BCAS4: variants seen among roughly 807,000 people sequenced by gnomAD.
BCAS4 encodes the protein breast carcinoma amplified sequence 4.
In BCAS4, 9 loss-of-function variants were observed where a neutral mutation model predicts 15.7. The observed-to-expected ratio is 0.57, with a 90% CI of 0.34 to 1.00. The LOEUF (loss-of-function observed/expected upper bound fraction) is 1.00. BCAS4 is among the 50% of genes least tolerant of loss of function. BCAS4 has a pLI of 0.02. For synonymous variants in BCAS4, 101 were observed against 99.5 expected, an observed-to-expected ratio of 1.02 and a Z score of -0.09; for missense variants, 225 against 239.1, an observed-to-expected ratio of 0.94 and a Z score of 0.39.
intron 2 of BCAS4, among the ~76,000 whole-genome samples, chr20:50,827,248 G>A (rs1401735402): frequency 6.6e-6 from 1 of 152,178 alleles, no homozygotes; most frequent in African/African-American, 2.4e-5. Context: ...AGACATGCTG[G>A]TCAGGTGTTT....
intron 2 of BCAS4, among the ~76,000 whole-genome samples, chr20:50,829,817 C>T (rs1304477517): frequency 1.3e-5 from 2 of 151,876 alleles, no homozygotes; most frequent in Non-Finnish European, 2.9e-5. Context: ...ACAGTGCCTG[C>T]GTGTCGGAAG....
chr20:50,882,321 TAGAA>T, the BCAS4 span: 1 of 152,162 alleles, frequency 6.6e-6, no homozygotes, highest in African/African-American at 2.4e-5. Flanking sequence ...AGCAAAAGAT[TAGAA>T]AGAACCCAAG....
intron 4 of BCAS4, among the ~76,000 whole-genome samples, chr20:50,866,007 C>T (rs6091226): frequency 0.17 from 26,555 of 152,014 alleles, 2,345 homozygotes; most frequent in Non-Finnish European, 0.19. Flanking sequence ...GGGACAGGAC[C>T]TGGGGGCCGG....
chr20:50,827,753 G>T (rs1425711178), intron 2 of BCAS4, among the ~76,000 whole-genome samples: 2 of 152,168 alleles, frequency 1.3e-5, no homozygotes, highest in Non-Finnish European at 2.9e-5. Flanking sequence ...TAGAGACAGG[G>T]TCTTGCACTG....
intron 4 of BCAS4, among the ~76,000 whole-genome samples, chr20:50,866,198 C>A (rs1412896834): frequency 6.6e-6 from 1 of 152,208 alleles, no homozygotes; most frequent in African/African-American, 2.4e-5. Context: ...CTGGAGGAGA[C>A]AGCAGGGGAG....
chr20:50,818,455 G>T (rs1600857720), intron 2 of BCAS4, among the ~76,000 whole-genome samples, 173 bp downstream of exon 2: 1 of 148,948 alleles, frequency 6.7e-6, no homozygotes, highest in African/African-American at 2.5e-5. Flanking sequence ...TCTCTCTCTC[G>T]CTCTCTCTCT....
rs199837051 is a variant in BCAS4, at chr20:50,830,346, T to C, written c.230T>C (p.Met77Thr). Residue 77 changes from methionine (M) to threonine (T), a missense_variant, in exon 3 of 5, where the codon ATG becomes ACG. Transcript: ENST00000371608. ...GTCCTTAAGGCCAAACTGACAGAAA[T>C]GCGTGGCATCTATGCCAAAGTGGAC... ...IPVLKAKLTE[M>T]RGIYAKVDRL... 1.7e-5 allele frequency: 28 copies of C among 1,613,696 alleles called. No individual in the cohort carries two copies. Among genetic ancestry groups the C allele is most frequent in the Non-Finnish European group, 2.0e-5 (24 of 1,179,900 alleles).
intron 1 of BCAS4, among the ~76,000 whole-genome samples, chr20:50,798,114 G>T (rs1569014179): frequency 6.6e-6 from 1 of 151,344 alleles, no homozygotes; most frequent in Non-Finnish European, 1.5e-5. Flanking sequence ...TGGCCAACAT[G>T]GTGGAACCCT....
At chr20:50,853,033 C>T (rs1270915049) in intron 4 of BCAS4, among the ~76,000 whole-genome samples, 1 of 152,150 alleles carries the variant, frequency 6.6e-6, no homozygotes, top group East Asian at 1.9e-4. Context: ...CCTCTACACC[C>T]CCCACATTCT....
At chr20:50,848,647 G>A (rs2088575929) in intron 4 of BCAS4, among the ~76,000 whole-genome samples, 1 of 152,236 alleles carries the variant, frequency 6.6e-6, no homozygotes, top group Admixed American at 6.5e-5. Flanking sequence ...ACCAGGGCTC[G>A]TTCTCTGCTC....
intron 2 of BCAS4, among the ~76,000 whole-genome samples, chr20:50,827,186 G>A (rs1398266041): frequency 6.6e-6 from 1 of 152,170 alleles, no homozygotes; most frequent in Non-Finnish European, 1.5e-5. Context: ...AGTCTATTCC[G>A]GTCTGTGACA....
chr20:50,850,696 G>C (rs894721687), intron 4 of BCAS4, among the ~76,000 whole-genome samples: 7 of 152,182 alleles, frequency 4.6e-5, no homozygotes, highest in Admixed American at 3.3e-4. Context: ...AAGAAGCAGA[G>C]GTTTGAGTGG....
intron 1 of BCAS4, among the ~76,000 whole-genome samples, chr20:50,810,336 G>A (rs1363523082): frequency 6.6e-6 from 1 of 151,990 alleles, no homozygotes; most frequent in African/African-American, 2.4e-5. Flanking sequence ...AGATTCGGGA[G>A]TGGGAAGAAT....
At chr20:50,865,217 G>A (rs992169984) in intron 4 of BCAS4, among the ~76,000 whole-genome samples, 6 of 152,268 alleles carry the variant, frequency 3.9e-5, no homozygotes, top group South Asian at 2.1e-4. Flanking sequence ...GGATGACTCC[G>A]GCACAAACCA....
chr20:50,825,268 G>T (rs1007483102), intron 2 of BCAS4, among the ~76,000 whole-genome samples: 6 of 152,128 alleles, frequency 3.9e-5, no homozygotes, highest in Admixed American at 6.6e-5. Context: ...TTAAAATAGA[G>T]ATGGTGCCTC....
chr20:50,873,401 A>G (rs1979754286), intron 4 of BCAS4, among the ~76,000 whole-genome samples: 1 of 152,210 alleles, frequency 6.6e-6, no homozygotes, highest in Non-Finnish European at 1.5e-5. Context: ...CCTCAGGACC[A>G]GGAGAAGAAG....
At chr20:50,877,906 A>T (rs894483921), downstream of BCAS4, 4 of 152,070 alleles carry the variant, frequency 2.6e-5, no homozygotes. Flanking sequence ...CCAAAAATAC[A>T]AAAATTAGCC....
intron 4 of BCAS4, among the ~76,000 whole-genome samples, chr20:50,849,198 T>C (rs778160379): frequency 3.3e-4 from 51 of 152,264 alleles, no homozygotes; most frequent in Non-Finnish European, 6.8e-4. Flanking sequence ...CAAAACATCT[T>C]GTTCACGAGG....
chr20:50,798,395 C>T (rs1251681241), intron 1 of BCAS4, among the ~76,000 whole-genome samples: 1 of 151,152 alleles, frequency 6.6e-6, no homozygotes, highest in African/African-American at 2.5e-5. Context: ...ATATCTGGGC[C>T]AGGAGCAATG....
Sources: allele counts gnomAD v4.1 joint callset (sites outside exome capture counted in the v4.1 genomes callset), GRCh38; gene constraint gnomAD v4.1.1; transcripts MANE v1.5; gene names NCBI Gene and HGNC (gene_info 2026-07-23, HGNC 2026-07-21).